CEP350: variants seen among roughly 807,000 people sequenced by gnomAD.
The protein encoded by CEP350 is centrosome-associated protein 350.
A neutral mutation model predicts 331.8 loss-of-function variants in CEP350; 126 were observed. That is an observed-to-expected ratio of 0.38 (90% CI 0.33 to 0.44). CEP350 has a LOEUF of 0.44. Among genes scored for constraint, CEP350 ranks in the 20% least tolerant of loss-of-function variants. The pLI is 1.00. For synonymous variants in CEP350, 1,200 were observed against 1,259.5 expected (o/e 0.95, Z 1.00); for missense variants, 3,406 against 3,634.6 (o/e 0.94, Z 1.62).
rs920371808 is a variant in CEP350, at chr1:180,022,816, T to C, written c.3354T>C (p.Thr1118=). ...TTGTCTCCTCTCCAGGGACTGGGAC[T>C]TCGACAGAAAAAAAATCAACTCTTG... is the stretch of plus-strand genomic sequence containing the variant. ...DDFVSSPGTG[T]STEKKSTLEP... is the part of the protein sequence containing the mutation. Residue 1118 remains threonine (T), a synonymous_variant, in exon 13 of 38, where the codon ACT becomes ACC. Transcript: ENST00000367607. 1.3e-6 allele frequency: 2 copies of C among 1,594,386 alleles called. No homozygotes were observed. Among genetic ancestry groups the C allele is most frequent in the African/African-American group, 1.3e-5 (1 of 74,578 alleles).
intron 14 of CEP350, among the ~76,000 whole-genome samples, chr1:180,027,201 A>G (rs968110925): frequency 3.3e-5 from 5 of 152,208 alleles, no homozygotes; most frequent in Non-Finnish European, 7.3e-5. Context: ...GACAATTTGT[A>G]GGCACACACA....
At chr1:180,001,680 A>G (rs1023585241) in intron 6 of CEP350, among the ~76,000 whole-genome samples, 2 of 152,226 alleles carry the variant, frequency 1.3e-5, no homozygotes, top group Non-Finnish European at 2.9e-5. Flanking sequence ...CACACTTTGG[A>G]CACAATTTGT....
intron 36 of CEP350, among the ~76,000 whole-genome samples, chr1:180,096,659 T>G (rs1660496418): frequency 1.3e-5 from 2 of 152,154 alleles, no homozygotes; most frequent in African/African-American, 4.8e-5. Context: ...GGTTTCAAAT[T>G]GGTAATGTGG....
intron 8 of CEP350, among the ~76,000 whole-genome samples, chr1:180,008,637 T>A (rs1654414442): frequency 6.6e-6 from 1 of 152,196 alleles, no homozygotes; most frequent in East Asian, 1.9e-4. Flanking sequence ...ATTTTGAACA[T>A]TTGCTGTATG....
chr1:180,037,839 C>T (rs1656475193), intron 17 of CEP350, among the ~76,000 whole-genome samples: 1 of 152,048 alleles, frequency 6.6e-6, no homozygotes, highest in Non-Finnish European at 1.5e-5. Context: ...TTACTAGAGA[C>T]AGGGTTTCAC....
At position 180,020,624 on chromosome 1, in the gene CEP350, G is replaced by A. The variant is rs1164908997; in HGVS notation, c.2850G>A (p.Gln950=). Residue 950 remains glutamine (Q), a synonymous_variant, in exon 12 of 38, where the codon CAG becomes CAA. Transcript: ENST00000367607. ...PGPKPEGLLA[Q]LCKRQTDSSS... is the part of the protein sequence containing the mutation. ...CCAAACCAGAAGGGCTACTGGCACAGTTATGTAAAAGGCAGACTGACTCTT... is the reference window on the plus strand; with the variant it reads ...CCAAACCAGAAGGGCTACTGGCACAATTATGTAAAAGGCAGACTGACTCTT... 6.2e-7 allele frequency: 1 copy of A among 1,613,994 alleles called. No individual in the cohort carries two copies. Among genetic ancestry groups the A allele is most frequent in the East Asian group, 2.2e-5 (1 of 44,886 alleles).
At chr1:180,079,529 A>G (rs999425355) in intron 29 of CEP350, among the ~76,000 whole-genome samples, 4 of 151,932 alleles carry the variant, frequency 2.6e-5, no homozygotes, top group East Asian at 3.8e-4. Flanking sequence ...AAATATTTCA[A>G]TGTCCTTGTG....
intron 31 of CEP350, among the ~76,000 whole-genome samples, chr1:180,084,791 G>A (rs1002722534): frequency 6.2e-4 from 94 of 152,254 alleles, no homozygotes; most frequent in African/African-American, 2.1e-3. Context: ...TTGAAGCCAG[G>A]AGTTTGAGGC....
At chr1:180,002,097 A>T (rs529012045) in intron 6 of CEP350, among the ~76,000 whole-genome samples, 1 of 152,372 alleles carries the variant, frequency 6.6e-6, no homozygotes, top group South Asian at 2.1e-4. Flanking sequence ...GTGGCTATAC[A>T]GTAAGTATTG....
intron 1 of CEP350, among the ~76,000 whole-genome samples, chr1:179,959,344 C>T (rs1650415963): frequency 6.6e-6 from 1 of 152,168 alleles, no homozygotes; most frequent in Admixed American, 6.5e-5. Context: ...ATCCCAGCTA[C>T]TGGGGAGGCC....
At chr1:180,095,449 C>T in intron 34 of CEP350, 74 bp from the exon 35 acceptor site, 1 of 1,481,480 alleles carries the variant, frequency 6.8e-7, no homozygotes, top group Non-Finnish European at 9.0e-7. Context: ...AATGCATTTA[C>T]TCTGTCTTTT....
chr1:179,993,943 C>G (rs1653283022), intron 5 of CEP350, among the ~76,000 whole-genome samples: 1 of 152,212 alleles, frequency 6.6e-6, no homozygotes, highest in Admixed American at 6.5e-5. Context: ...TACTGTGTAA[C>G]TTCCTCTATT....
intron 4 of CEP350, among the ~76,000 whole-genome samples, chr1:179,991,319 T>C (rs56744026): frequency 0.043 from 5,441 of 125,582 alleles, 102 homozygotes; most frequent in Middle Eastern, 0.16. Flanking sequence ...CTTTTCTTTT[T>C]TTTTTTTTTT....
chr1:180,105,697 G>A (rs1252957307), intron 37 of CEP350, among the ~76,000 whole-genome samples: 3 of 152,088 alleles, frequency 2.0e-5, no homozygotes, highest in African/African-American at 7.2e-5. Flanking sequence ...GATTGTGTAT[G>A]CAATAAATCC....
In CEP350 at chr1:180,009,289, C is replaced by T. The variant is rs575444959; in HGVS notation, c.1247-2640C>T. On this transcript the variant is annotated intron_variant, in intron 8 of 37. Coordinates refer to ENST00000367607, the MANE Select transcript of CEP350 (RefSeq NM_014810.5). ...CCTCCCAAAGTTTTGGGATTATAGG[C>T]GTGAGCCACTCACCCAGGCAATAAT... 5.3e-5 allele frequency among the ~76,000 whole-genome samples: 8 copies of T among 152,312 alleles called. No homozygotes were observed. In the South Asian group the frequency reaches 6.2e-4, roughly 12 times the overall value.
At position 179,990,624 on chromosome 1, in the gene CEP350, A is replaced by T; in HGVS notation, c.235+3A>T. On this transcript the variant is annotated splice_donor_region_variant and intron_variant, in intron 4 of 37. Coordinates refer to ENST00000367607, the MANE Select transcript of CEP350 (RefSeq NM_014810.5). ...TACTCGAAAAATAAGTAGAAAAGGTATGTATGAAGTTACTTCCAAATATAT... is the reference window on the plus strand; with the variant it reads ...TACTCGAAAAATAAGTAGAAAAGGTTTGTATGAAGTTACTTCCAAATATAT... 1 of 1,496,858 alleles carries T rather than the reference A, an allele frequency of 6.7e-7. No individual in the cohort carries two copies. The highest frequency in any genetic ancestry group is 9.2e-7 in the Non-Finnish European group (1 of 1,089,788). 92.7% of individuals were successfully genotyped at this position (1,496,858 alleles called of 1,614,324 possible).
intron 25 of CEP350, among the ~76,000 whole-genome samples, chr1:180,055,988 A>C (rs1014640708): frequency 2.0e-5 from 3 of 152,290 alleles, no homozygotes; most frequent in African/African-American, 7.2e-5. Context: ...AAATAGAATA[A>C]AAATAAGATT....
chr1:180,031,695 G>A (rs1656032667), intron 15 of CEP350, among the ~76,000 whole-genome samples: 1 of 151,996 alleles, frequency 6.6e-6, no homozygotes, highest in African/African-American at 2.4e-5. Context: ...ATATGGTTAT[G>A]TATCATCTAA....
intron 31 of CEP350, 111 bp from the exon 32 acceptor site, chr1:180,087,467 A>G: frequency 9.9e-7 from 1 of 1,007,240 alleles, no homozygotes; most frequent in East Asian, 2.9e-5. Context: ...AGATTTTTAT[A>G]TTACATCTTC....
Sources: allele counts gnomAD v4.1 joint callset (sites outside exome capture counted in the v4.1 genomes callset), GRCh38; gene constraint gnomAD v4.1.1; transcripts MANE v1.5; gene names NCBI Gene and HGNC (gene_info 2026-07-23, HGNC 2026-07-21).